The following NUP160 variants were observed in gnomAD, a reference collection of about 807,000 sequenced individuals.
NUP160 encodes nuclear pore complex protein Nup160.
NUP160 carries 94 observed loss-of-function variants against 196.9 expected under a neutral mutation model. The ratio of observed to expected loss-of-function variants is 0.48; its 90% confidence interval spans 0.40 to 0.57. The LOEUF (loss-of-function observed/expected upper bound fraction) is 0.57. Among genes scored for constraint, NUP160 ranks in the 20% least tolerant of loss-of-function variants. NUP160 has a pLI of 0.00. For missense variants in NUP160, 1,638 were observed against 1,748.3 expected (o/e 0.94, Z 1.13); for synonymous variants, 605 against 619.7 (o/e 0.98, Z 0.35).
Position 47,836,889 on chromosome 11 carries a change from TG to T in NUP160, c.939del (p.Tyr313Ter). 6.4e-7 allele frequency: 1 copy of T among 1,570,456 alleles called. No homozygotes were observed. Among genetic ancestry groups the T allele is most frequent in the Non-Finnish European group, 8.8e-7 (1 of 1,140,396 alleles). On this transcript the variant is annotated frameshift_variant, in exon 6 of 36. Transcript: ENST00000378460. LOFTEE classifies it high-confidence loss of function. ...GCAACTATAAATGTAGCACTTACCTTGTAAGACCACATTCGTAGTTTATGAT... is the reference window on the plus strand; with the variant it reads ...GCAACTATAAATGTAGCACTTACCTTTAAGACCACATTCGTAGTTTATGAT...
intron 2 of NUP160, chr11:47,841,709 T>A: frequency 3.6e-6 from 1 of 279,632 alleles, no homozygotes. Flanking sequence ...GTTTTTTTTT[T>A]GAGACAGGGT....
chr11:47,808,012 G>C (rs544159251), intron 18 of NUP160, among the ~76,000 whole-genome samples: 1 of 152,200 alleles, frequency 6.6e-6, no homozygotes, highest in Non-Finnish European at 1.5e-5. Context: ...GGCTGGCGTG[G>C]TGGCCCACGC....
chr11:47,843,049 C>T (rs1160504989), intron 2 of NUP160, among the ~76,000 whole-genome samples: 2 of 152,146 alleles, frequency 1.3e-5, no homozygotes, highest in African/African-American at 4.8e-5. Flanking sequence ...TCTACCTTCT[C>T]AGTTCCCCAA....
Position 47,808,394 on chromosome 11 carries a change from A to G in NUP160, c.2375+2T>C. On this transcript the variant is annotated splice_donor_variant, in intron 18 of 35. Transcript: ENST00000378460. LOFTEE classifies it high-confidence loss of function. ...TTAAATAATTGGGATAATGAAACTC[A>G]CAGTGTGTCAAGTGGAACATCAGTT... The G allele has an allele frequency of 6.2e-7, 1 of 1,608,832 alleles. No homozygotes were observed. The highest frequency in any genetic ancestry group is 1.7e-5 in the Admixed American group (1 of 58,994).
In NUP160 at chr11:47,798,503, T is replaced by C. The variant is rs548529453; in HGVS notation, c.2896-40A>G. The stretch of plus-strand genomic sequence containing the variant: ...AAGAAATTTCCATTAAAATTAATAT[T>C]GTAATGTACTTCAAACTCAATTATG... On this transcript the variant is annotated intron_variant, in intron 23 of 35. Transcript: ENST00000378460. The C allele has an allele frequency of 1.3e-5, 15 of 1,117,110 alleles. No individual in the cohort carries two copies. In the African/African-American group the frequency reaches 1.4e-4, roughly 10 times the overall value. The allele number at this position is 1,117,110 out of a possible 1,614,324, so 69.2% of individuals were successfully genotyped here. A position where few individuals can be genotyped will look rare whatever the true frequency, so the allele number is the denominator to read the frequency against.
chr11:47,802,978 C>T (rs2097675135), intron 22 of NUP160, among the ~76,000 whole-genome samples: 4 of 151,752 alleles, frequency 2.6e-5, no homozygotes, highest in Admixed American at 2.6e-4. Flanking sequence ...AGAGCAAGAC[C>T]CTGTCTAAAA....
At chr11:47,790,460 C>A (rs1403935723) in intron 29 of NUP160, among the ~76,000 whole-genome samples, 5 of 152,048 alleles carry the variant, frequency 3.3e-5, no homozygotes, top group African/African-American at 1.2e-4. Flanking sequence ...GGGGTTTCAT[C>A]ATGTTGGCCA....
chr11:47,841,587 G>A (rs987200948), intron 2 of NUP160: 9 of 426,384 alleles, frequency 2.1e-5, no homozygotes, highest in African/African-American at 6.3e-5. Flanking sequence ...GTTTGCCACC[G>A]AAGACAGCCA....
At chr11:47,806,674 T>C (rs374241698) in intron 19 of NUP160, among the ~76,000 whole-genome samples, 1 of 152,078 alleles carries the variant, frequency 6.6e-6, no homozygotes, top group Non-Finnish European at 1.5e-5. Context: ...TTTTCAAACA[T>C]GAGGGATACT....
At chr11:47,813,887 C>A (rs1246144310) in intron 13 of NUP160, among the ~76,000 whole-genome samples, 2 of 151,534 alleles carry the variant, frequency 1.3e-5, no homozygotes, top group African/African-American at 4.8e-5. Context: ...CTGGCTAACA[C>A]GGTGAAACCC....
At chr11:47,843,713 C>T (rs1852349451) in intron 2 of NUP160, among the ~76,000 whole-genome samples, 1 of 152,190 alleles carries the variant, frequency 6.6e-6, no homozygotes, top group Admixed American at 6.5e-5. Flanking sequence ...TACAGGACAG[C>T]CTTCCACAAT....
chr11:47,794,416 A>G (rs935886667), intron 27 of NUP160, among the ~76,000 whole-genome samples: 1 of 152,152 alleles, frequency 6.6e-6, no homozygotes, highest in African/African-American at 2.4e-5. Flanking sequence ...TGGAGTTTGC[A>G]GTGAGCCGAG....
intron 23 of NUP160, 65 bp from the exon 24 acceptor site, chr11:47,798,528 G>T: frequency 1.1e-6 from 1 of 917,534 alleles, no homozygotes; most frequent in Non-Finnish European, 1.8e-6. Context: ...ACTCAATTAT[G>T]GTTTAAAATT....
intron 7 of NUP160, among the ~76,000 whole-genome samples, chr11:47,835,045 G>C (rs1019027000): frequency 6.6e-6 from 1 of 152,158 alleles, no homozygotes; most frequent in African/African-American, 2.4e-5. Context: ...GTGGCCTAGC[G>C]TGGGGACTCA....
chr11:47,814,270 T>C (rs894910344), intron 13 of NUP160, among the ~76,000 whole-genome samples: 1 of 151,722 alleles, frequency 6.6e-6, no homozygotes, highest in Non-Finnish European at 1.5e-5. Flanking sequence ...AATAACTAAA[T>C]ACATATATTA....
chr11:47,813,314 A>G lies in NUP160; in HGVS notation c.1786+2T>C. 6.4e-7 allele frequency: 1 copy of G among 1,561,998 alleles called. No homozygotes were observed. The highest frequency in any genetic ancestry group is 8.8e-7 in the Non-Finnish European group (1 of 1,132,652). On this transcript the variant is annotated splice_donor_variant, in intron 14 of 35. Transcript: ENST00000378460. LOFTEE classifies it high-confidence loss of function. ...AAATATGGACATAACAATTACTATT[A>G]CCATCAGATATGGTTGTCTCATCTT...
chr11:47,786,451 A>C lies in NUP160; in HGVS notation c.3848+2T>G, dbSNP rs773795361. Reference sequence around the variant, plus strand: ...ACCCAGGGTTGAACACCAGGGTTGTACCTAGACTCCTTAGTAGTGATGACA... The same window carrying C: ...ACCCAGGGTTGAACACCAGGGTTGTCCCTAGACTCCTTAGTAGTGATGACA... On this transcript the variant is annotated splice_donor_variant, in intron 32 of 35. Coordinates refer to ENST00000378460, the Ensembl canonical transcript of NUP160. LOFTEE classifies it high-confidence loss of function. 6.2e-7 allele frequency: 1 copy of C among 1,604,874 alleles called. No individual in the cohort carries two copies. Among genetic ancestry groups the C allele is most frequent in the African/African-American group, 1.3e-5 (1 of 74,864 alleles).
chr11:47,807,493 C>T (rs984004655), intron 18 of NUP160, among the ~76,000 whole-genome samples: 1 of 151,912 alleles, frequency 6.6e-6, no homozygotes, highest in Non-Finnish European at 1.5e-5. Context: ...TGGTGAAACG[C>T]CACCTCTACT....
chr11:47,815,879 G>T, intron 12 of NUP160, 67 bp downstream of exon 12: 3 of 1,228,634 alleles, frequency 2.4e-6, no homozygotes, highest in Non-Finnish European at 3.5e-6. Context: ...GTAATTCCTC[G>T]GTCAGTACCA....
Sources: gnomAD v4.1 joint callset for allele counts (sites outside exome capture counted in the v4.1 genomes callset) on GRCh38, gnomAD v4.1.1 for gene constraint, MANE v1.5 for transcripts, NCBI Gene and HGNC (gene_info 2026-07-23, HGNC 2026-07-21) for gene names.